The following PDHA2 variants were observed in gnomAD, a reference collection of about 807,000 sequenced individuals.
PDHA2 encodes pyruvate dehydrogenase E1 subunit alpha 2, also known as pyruvate dehydrogenase E1 component subunit alpha, testis-specific form, mitochondrial.
For synonymous variants in PDHA2, 188 were observed against 185.9 expected, an observed-to-expected ratio of 1.01 and a Z score of -0.09; for missense variants, 533 against 495.8, an observed-to-expected ratio of 1.07 and a Z score of -0.71.
chr4:95,841,380 A>G lies in PDHA2; in HGVS notation c.*63A>G, dbSNP rs1723516029. The G allele has an allele frequency of 1.5e-6, 2 of 1,303,160 alleles. No individual in the cohort carries two copies. Among genetic ancestry groups the G allele is most frequent in the South Asian group, 2.5e-5 (2 of 78,666 alleles). 80.7% of individuals were successfully genotyped at this position (1,303,160 alleles called of 1,614,324 possible). A position where few individuals can be genotyped will look rare whatever the true frequency, so the allele number is the denominator to read the frequency against. ...TGGAATGTTCATGGTCAAATTTAAG[A>G]AACTGTGTTCTCAACTCAAGGAGGA... On this transcript the variant is annotated 3_prime_UTR_variant, in exon 1 of 1. Transcript: ENST00000295266.
In PDHA2 at chr4:95,841,435, G is replaced by A. The variant is rs1005740022; in HGVS notation, c.*118G>A. 1 of 748,612 alleles carries A rather than the reference G, an allele frequency of 1.3e-6. No individual in the cohort carries two copies. Among genetic ancestry groups the A allele is most frequent in the Non-Finnish European group, 2.2e-6 (1 of 451,024 alleles). 46.4% of individuals were successfully genotyped at this position (748,612 alleles called of 1,614,324 possible). A position where few individuals can be genotyped will look rare whatever the true frequency, so the allele number is the denominator to read the frequency against. On this transcript the variant is annotated 3_prime_UTR_variant, in exon 1 of 1. Coordinates refer to ENST00000295266, the MANE Select transcript of PDHA2 (RefSeq NM_005390.5). ...AACTCATAAAACAAAAGCCTTGTAA[G>A]CATTTATTAAAAGAGATTATTAAAA...
rs543533502 is a variant in PDHA2, at chr4:95,840,471, C to A, written c.321C>A (p.Asn107Lys). 1.2e-6 allele frequency: 2 copies of A among 1,614,194 alleles called. No individual in the cohort carries two copies. The highest frequency in any genetic ancestry group is 1.7e-5 in the Admixed American group (1 of 60,032). Residue 107 changes from asparagine to lysine, a missense_variant, in exon 1 of 1, where the codon AAC (asparagine) becomes AAA (lysine). Coordinates refer to ENST00000295266, the MANE Select transcript of PDHA2 (RefSeq NM_005390.5). The part of the protein sequence containing the change: ...ACCVGLEAGI[N>K]PSDHVITSYR... ...GCGTGGGCCTTGAGGCCGGCATAAA[C>A]CCCTCGGATCACGTCATTACATCCT...
At position 95,841,026 on chromosome 4, in the gene PDHA2, G is replaced by T; in HGVS notation, c.876G>T (p.Met292Ile). Reference protein sequence around the residue: ...LQTYRYHGHSMSDPGVSYRTR... With the variant: ...LQTYRYHGHSISDPGVSYRTR... ...CCTACCGTTATCATGGACACAGTAT[G>T]AGTGATCCTGGAGTCAGTTATCGTA... Residue 292 changes from methionine to isoleucine, a missense_variant, in exon 1 of 1, where the codon ATG becomes ATT. Physicochemically the swap from Met to Ile is conservative, Grantham distance 10. Coordinates refer to ENST00000295266, the MANE Select transcript of PDHA2 (RefSeq NM_005390.5). The T allele has an allele frequency of 6.2e-7, 1 of 1,614,152 alleles. No individual in the cohort carries two copies. The highest frequency in any genetic ancestry group is 2.2e-5 in the East Asian group (1 of 44,876).
rs1447880694 is a variant in PDHA2 at position 95,840,313 on chromosome 4, A to T, written c.163A>T (p.Thr55Ser). The T allele has an allele frequency of 6.2e-7, 1 of 1,614,070 alleles. No individual in the cohort carries two copies. The highest frequency in any genetic ancestry group is 1.3e-5 in the African/African-American group (1 of 74,936). ...EEGPPVTTVL[T>S]RAEGLKYYRM... ...GGGTCCCCCTGTCACTACAGTGCTC[A>T]CTAGGGCGGAGGGGCTTAAATACTA... Residue 55 changes from threonine to serine, a missense_variant, in exon 1 of 1, where the codon ACT becomes TCT. Transcript: ENST00000295266.
chr4:95,841,236 A>G lies in PDHA2; in HGVS notation c.1086A>G (p.Leu362=), dbSNP rs765839306. ...TTDPEPHLEE[L]GHHIYSSDSS... ...ATCCTGAGCCACATTTGGAAGAATT[A>G]GGCCATCACATCTACAGCAGTGATT... is the stretch of plus-strand genomic sequence containing the variant. Residue 362 remains leucine, a synonymous_variant, in exon 1 of 1, where the codon TTA becomes TTG. Coordinates refer to ENST00000295266, the MANE Select transcript of PDHA2 (RefSeq NM_005390.5). 2 of 1,614,154 alleles carry G rather than the reference A, an allele frequency of 1.2e-6. No homozygotes were observed. The highest frequency in any genetic ancestry group is 1.7e-6 in the Non-Finnish European group (2 of 1,179,994).
Position 95,840,480 on chromosome 4 carries a change from T to C in PDHA2, c.330T>C (p.Asp110=), listed in dbSNP as rs779108129. ...VGLEAGINPS[D]HVITSYRAHG... ...TTGAGGCCGGCATAAACCCCTCGGATCACGTCATTACATCCTATAGGGCTC... is the reference window on the plus strand; with the variant it reads ...TTGAGGCCGGCATAAACCCCTCGGACCACGTCATTACATCCTATAGGGCTC... The change falls in exon 1 of 1, where the codon GAT becomes GAC. Residue 110 remains aspartate, a synonymous_variant. Coordinates refer to ENST00000295266, the MANE Select transcript of PDHA2 (RefSeq NM_005390.5). 2.0e-5 allele frequency: 32 copies of C among 1,614,060 alleles called. No individual in the cohort carries two copies. The highest frequency in any genetic ancestry group is 2.7e-5 in the Non-Finnish European group (32 of 1,180,040).
At position 95,840,495 on chromosome 4, in the gene PDHA2, C is replaced by T. The variant is rs1462544364; in HGVS notation, c.345C>T (p.Ser115=). 1 of 1,614,218 alleles carries T rather than the reference C, an allele frequency of 6.2e-7. No individual in the cohort carries two copies. The highest frequency in any genetic ancestry group is 8.5e-7 in the Non-Finnish European group (1 of 1,180,048). The change falls in exon 1 of 1, where the codon TCC becomes TCT. Residue 115 remains serine, a synonymous_variant. Coordinates refer to ENST00000295266, the MANE Select transcript of PDHA2 (RefSeq NM_005390.5). ...ACCCCTCGGATCACGTCATTACATC[C>T]TATAGGGCTCATGGTGTGTGCTATA... ...GINPSDHVIT[S]YRAHGVCYTR...
rs750309115 is a variant in PDHA2 at position 95,840,750 on chromosome 4, G to A, written c.600G>A (p.Gly200=). Residue 200 remains glycine (G), a synonymous_variant, in exon 1 of 1, where the codon GGG becomes GGA. Transcript: ENST00000295266. The part of the protein sequence containing the change: ...TLYGDGAANQ[G]QIAEAFNMAA... ...ATGGGGATGGCGCTGCGAATCAGGGGCAGATAGCCGAAGCTTTCAATATGG... is the reference window on the plus strand; with the variant it reads ...ATGGGGATGGCGCTGCGAATCAGGGACAGATAGCCGAAGCTTTCAATATGG... The A allele has an allele frequency of 1.7e-5, 27 of 1,614,056 alleles. No homozygotes were observed. The highest frequency in any genetic ancestry group is 2.2e-5 in the Non-Finnish European group (26 of 1,180,028).
chr4:95,840,936 G>A lies in PDHA2; in HGVS notation c.786G>A (p.Glu262=), dbSNP rs151098778. 2.2e-4 allele frequency: 360 copies of A among 1,613,952 alleles called. No homozygotes were observed. The highest frequency in any genetic ancestry group is 7.0e-5 in the Non-Finnish European group (83 of 1,180,032). ...VDGMDVLCVR[E]ATKFAANYCR... ...GAATGGATGTTCTGTGTGTTCGTGA[G>A]GCAACAAAATTTGCAGCTAACTACT... The change falls in exon 1 of 1, where the codon GAG becomes GAA. Residue 262 remains glutamate, a synonymous_variant. Transcript: ENST00000295266.
In PDHA2 at chr4:95,841,389, TCTCAA is replaced by T; in HGVS notation, c.*78_*82del. The T allele has an allele frequency of 8.4e-7, 1 of 1,193,842 alleles. No homozygotes were observed. The highest frequency in any genetic ancestry group is 1.2e-6 in the Non-Finnish European group (1 of 819,818). 74.0% of individuals were successfully genotyped at this position (1,193,842 alleles called of 1,614,324 possible). On this transcript the variant is annotated 3_prime_UTR_variant, in exon 1 of 1. Coordinates refer to ENST00000295266, the MANE Select transcript of PDHA2 (RefSeq NM_005390.5). ...CATGGTCAAATTTAAGAAACTGTGT[TCTCAA>T]CTCAAGGAGGAATAAAACTCATAAA...
In PDHA2 at chr4:95,840,626, A is replaced by G. The variant is rs200812827; in HGVS notation, c.476A>G (p.Tyr159Cys). 4.2e-5 allele frequency: 67 copies of G among 1,614,082 alleles called. No homozygotes were observed. Among genetic ancestry groups the G allele is most frequent in the South Asian group, 2.2e-5 (2 of 91,086 alleles). Residue 159 changes from tyrosine to cysteine, a missense_variant, in exon 1 of 1, where the codon TAT becomes TGT. Coordinates refer to ENST00000295266, the MANE Select transcript of PDHA2 (RefSeq NM_005390.5). Reference protein sequence around the residue: ...GSMHMYTKNFYGGNGIVGAQG... With the variant: ...GSMHMYTKNFCGGNGIVGAQG... ...ATGCATATGTATACCAAGAACTTCT[A>G]TGGGGGCAATGGCATCGTCGGTGCA...
Position 95,841,092 on chromosome 4 carries a change from TATA to T in PDHA2, c.948_950del (p.Ile317del). The T allele has an allele frequency of 6.2e-6, 10 of 1,614,024 alleles. No homozygotes were observed. The highest frequency in any genetic ancestry group is 8.5e-6 in the Non-Finnish European group (10 of 1,179,910). On this transcript the variant is annotated inframe_deletion, in exon 1 of 1. Coordinates refer to ENST00000295266, the MANE Select transcript of PDHA2 (RefSeq NM_005390.5). ...AGGAAGTAAGAAGTAAGAGGGATCC[TATA>T]ATAATTCTCCAAGATAGAATGGTAA... is the stretch of plus-strand genomic sequence containing the variant.
chr4:95,840,835 A>G lies in PDHA2; in HGVS notation c.685A>G (p.Thr229Ala). The change falls in exon 1 of 1, where the codon ACA becomes GCA. Residue 229 changes from threonine (T) to alanine (A), a missense_variant. Thr to Ala is a moderately conservative substitution (Grantham distance 58, BLOSUM62 0). Transcript: ENST00000295266. The stretch of plus-strand genomic sequence containing the variant: ...TGAGAATAACCTATATGGAATGGGA[A>G]CATCTACTGAGAGAGCAGCAGCCAG... ...ICENNLYGMG[T>A]STERAAASPD... 3 of 1,614,132 alleles carry G rather than the reference A, an allele frequency of 1.9e-6. No homozygotes were observed. Among genetic ancestry groups the G allele is most frequent in the Non-Finnish European group, 2.5e-6 (3 of 1,180,008 alleles).
chr4:95,840,174 C>T lies in PDHA2; in HGVS notation c.24C>T (p.Arg8=), dbSNP rs745370766. The T allele has an allele frequency of 1.9e-5, 31 of 1,612,686 alleles. No individual in the cohort carries two copies. The highest frequency in any genetic ancestry group is 1.7e-4 in the Middle Eastern group (1 of 5,880). Residue 8 remains arginine, a synonymous_variant, in exon 1 of 1, where the codon CGC becomes CGT. Transcript: ENST00000295266. MLAAFIS[R]VLRRVAQKSA... ...ATATGCTGGCCGCCTTCATCTCCCG[C>T]GTGTTGAGGCGAGTTGCCCAGAAAT...
rs1723516771 is a variant in PDHA2 at position 95,841,404 on chromosome 4, G to T, written c.*87G>T. On this transcript the variant is annotated 3_prime_UTR_variant, in exon 1 of 1. Transcript: ENST00000295266. ...GAAACTGTGTTCTCAACTCAAGGAG[G>T]AATAAAACTCATAAAACAAAAGCCT... The T allele has an allele frequency of 4.9e-6, 5 of 1,019,280 alleles. No homozygotes were observed. Among genetic ancestry groups the T allele is most frequent in the Non-Finnish European group, 7.4e-6 (5 of 678,206 alleles). The allele number at this position is 1,019,280 out of a possible 1,614,324, so 63.1% of individuals were successfully genotyped here. A position where few individuals can be genotyped will look rare whatever the true frequency, so the allele number is the denominator to read the frequency against.
In PDHA2 at chr4:95,840,986, T is replaced by C; in HGVS notation, c.836T>C (p.Leu279Pro). 6.2e-7 allele frequency: 1 copy of C among 1,614,082 alleles called. No homozygotes were observed. The highest frequency in any genetic ancestry group is 8.5e-7 in the Non-Finnish European group (1 of 1,180,022). The part of the protein sequence containing the change: ...NYCRSGKGPI[L>P]MELQTYRYHG... ...TGTAGATCTGGAAAGGGGCCCATACTGATGGAGCTGCAAACCTACCGTTAT... is the reference window on the plus strand; with the variant it reads ...TGTAGATCTGGAAAGGGGCCCATACCGATGGAGCTGCAAACCTACCGTTAT... Residue 279 changes from leucine to proline, a missense_variant, in exon 1 of 1, where the codon CTG becomes CCG. Transcript: ENST00000295266.
chr4:95,841,265 C>T lies in PDHA2; in HGVS notation c.1115C>T (p.Ser372Phe). 1 of 1,614,118 alleles carries T rather than the reference C, an allele frequency of 6.2e-7. No homozygotes were observed. The highest frequency in any genetic ancestry group is 8.5e-7 in the Non-Finnish European group (1 of 1,180,028). ...CATCACATCTACAGCAGTGATTCATCTTTTGAAGTTCGTGGTGCAAATCCA... is the reference window on the plus strand; with the variant it reads ...CATCACATCTACAGCAGTGATTCATTTTTTGAAGTTCGTGGTGCAAATCCA... ...LGHHIYSSDS[S>F]FEVRGANPWI... The change falls in exon 1 of 1, where the codon TCT (serine) becomes TTT (phenylalanine). Residue 372 changes from serine (S) to phenylalanine (F), a missense_variant. Transcript: ENST00000295266.
rs1338859315 is a variant in PDHA2, at chr4:95,840,627, T to TG, written c.482dup (p.Asn162GlnfsTer19). ...TGCATATGTATACCAAGAACTTCTA[T>TG]GGGGGCAATGGCATCGTCGGTGCAC... On this transcript the variant is annotated frameshift_variant, in exon 1 of 1. Transcript: ENST00000295266. LOFTEE classifies it low-confidence loss of function (END_TRUNC). The TG allele has an allele frequency of 1.2e-6, 2 of 1,614,052 alleles. No individual in the cohort carries two copies. Among genetic ancestry groups the TG allele is most frequent in the East Asian group, 4.5e-5 (2 of 44,884 alleles).
In PDHA2 at chr4:95,840,260, A is replaced by C; in HGVS notation, c.110A>C (p.Lys37Thr). 2 of 1,614,248 alleles carry C rather than the reference A, an allele frequency of 1.2e-6. No homozygotes were observed. The highest frequency in any genetic ancestry group is 1.7e-6 in the Non-Finnish European group (2 of 1,180,042). ...NSSNDATFEI[K>T]KCDLYLLEEG... ...TCAAATGACGCTACATTTGAAATTA[A>C]GAAATGTGATCTTTATCTGTTGGAA... Residue 37 changes from lysine (K) to threonine (T), a missense_variant, in exon 1 of 1, where the codon AAG (lysine) becomes ACG (threonine). By Grantham distance (78) the Lys-to-Thr change is moderately conservative (BLOSUM62 -1). Transcript: ENST00000295266.
Sources: gnomAD v4.1 joint callset for allele counts on GRCh38, gnomAD v4.1.1 for gene constraint, MANE v1.5 for transcripts, NCBI Gene and HGNC (gene_info 2026-07-23, HGNC 2026-07-21) for gene names.